CEP83: variants seen among roughly 807,000 people sequenced by gnomAD.
CEP83 encodes the protein centrosomal protein of 83 kDa.
A neutral mutation model predicts 101.9 loss-of-function variants in CEP83; 70 were observed. That is an observed-to-expected ratio of 0.69 (90% CI 0.57 to 0.84). CEP83 has a LOEUF of 0.84. Among genes scored for constraint, CEP83 ranks in the 40% least tolerant of loss-of-function variants. CEP83 has a pLI of 0.00. For synonymous variants in CEP83, 264 were observed against 267.9 expected (o/e 0.99, Z 0.14); for missense variants, 715 against 787.2 (o/e 0.91, Z 1.10).
At chr12:94,346,423 G>A (rs970393503) in intron 11 of CEP83, among the ~76,000 whole-genome samples, 2 of 150,432 alleles carry the variant, frequency 1.3e-5, no homozygotes, top group Admixed American at 6.6e-5. Context: ...ACTCCAGCCT[G>A]GGTGACAGAG....
the CEP83 span, chr12:94,279,675 T>A: frequency 2.5e-6 from 4 of 1,608,568 alleles, no homozygotes; most frequent in East Asian, 6.7e-5. Context: ...AGCTATGTGG[T>A]CCCAGGCCCT....
At chr12:94,425,207 C>T (rs2065104430) in intron 2 of CEP83, among the ~76,000 whole-genome samples, 1 of 152,110 alleles carries the variant, frequency 6.6e-6, no homozygotes, top group Non-Finnish European at 1.5e-5. Flanking sequence ...GCCATGGACC[C>T]TCAGCTCACA....
chr12:94,277,713 G>A, the CEP83 span: 5 of 344,648 alleles, frequency 1.5e-5, no homozygotes, highest in Non-Finnish European at 2.9e-5. Flanking sequence ...GTCCAATGTG[G>A]GCTGAATCTG....
intron 2 of CEP83, chr12:94,423,688 G>A: frequency 6.3e-7 from 1 of 1,590,078 alleles, no homozygotes; most frequent in Non-Finnish European, 8.6e-7. Context: ...TTGGGAGCAT[G>A]AGTATCTCCA....
At chr12:94,291,462 A>T in the CEP83 span, among the ~76,000 whole-genome samples, 2 of 152,128 alleles carry the variant, frequency 1.3e-5, no homozygotes, top group Non-Finnish European at 2.9e-5. Context: ...AACTCCTAGG[A>T]TCAAGCAATC....
At chr12:94,422,255 A>G (rs953756974) in intron 2 of CEP83, among the ~76,000 whole-genome samples, 2 of 152,214 alleles carry the variant, frequency 1.3e-5, no homozygotes, top group Non-Finnish European at 2.9e-5. Context: ...GCATGGACGC[A>G]TTAGATTATA....
At chr12:94,372,271 C>T (rs144511644) in intron 8 of CEP83, among the ~76,000 whole-genome samples, 3 of 152,268 alleles carry the variant, frequency 2.0e-5, no homozygotes, top group African/African-American at 7.2e-5. Flanking sequence ...CCACACCTGG[C>T]CTGTGGTTTT....
chr12:94,312,108 T>G (rs1969959547), intron 15 of CEP83, among the ~76,000 whole-genome samples: 1 of 152,204 alleles, frequency 6.6e-6, no homozygotes, highest in Admixed American at 6.5e-5. Flanking sequence ...AAATTCAAAA[T>G]TACAAGCATG....
intron 6 of CEP83, among the ~76,000 whole-genome samples, chr12:94,386,114 AC>A (rs2062130309): frequency 6.6e-6 from 1 of 152,188 alleles, no homozygotes; most frequent in Non-Finnish European, 1.5e-5. Flanking sequence ...TCATTAAGCT[AC>A]ACGTTACTGT....
In CEP83 at chr12:94,378,664, T is replaced by C. The variant is rs2061675609; in HGVS notation, c.801+127A>G. 21 of 996,330 alleles carry C rather than the reference T, an allele frequency of 2.1e-5. 1 individual carries two copies. In the South Asian group the frequency reaches 3.0e-4, roughly 14 times the overall value. The allele number at this position is 996,330 out of a possible 1,614,324, so 61.7% of individuals were successfully genotyped here. A position where few individuals can be genotyped will look rare whatever the true frequency, so the allele number is the denominator to read the frequency against. On this transcript the variant is annotated intron_variant, in intron 7 of 16. Coordinates refer to ENST00000397809, the MANE Select transcript of CEP83 (RefSeq NM_016122.3). ...TTCTTTACTAAAAGAATAAATACTC[T>C]TGGGATTACACAAATGCATCAGCAT...
At chr12:94,304,128 GAA>G (rs762262152), downstream of CEP83, 2 of 943,912 alleles carry the variant, frequency 2.1e-6, no homozygotes, top group Non-Finnish European at 3.2e-6. Context: ...GTCAGTTTCA[GAA>G]CAGCTCTGGC....
the CEP83 span, among the ~76,000 whole-genome samples, chr12:94,281,680 C>A: frequency 6.6e-6 from 1 of 152,176 alleles, no homozygotes; most frequent in South Asian, 2.1e-4. Context: ...CTCCGCCTCC[C>A]AAAGTATTGG....
At chr12:94,359,324 A>G (rs1282840041) in intron 11 of CEP83, among the ~76,000 whole-genome samples, 1 of 152,182 alleles carries the variant, frequency 6.6e-6, no homozygotes, top group African/African-American at 2.4e-5. Flanking sequence ...GAGACTAAAA[A>G]ACTATAAAAT....
chr12:94,437,826 CAAA>C lies in CEP83; in HGVS notation c.-154-2502_-154-2500del. On this transcript the variant is annotated intron_variant, in intron 1 of 16. Coordinates refer to ENST00000397809, the MANE Select transcript of CEP83 (RefSeq NM_016122.3). ...CTACAGAACAATAACACAATGCAAA[CAAA>C]AAAAGGTAATTAGGCAGCAACTAGT... Among the ~76,000 whole-genome samples, 2 of 151,834 alleles carry C rather than the reference CAAA, an allele frequency of 1.3e-5. 1 individual carries two copies. The highest frequency in any genetic ancestry group is 3.9e-4 in the East Asian group (2 of 5,176).
intron 11 of CEP83, among the ~76,000 whole-genome samples, chr12:94,366,195 C>T (rs2061019179): frequency 6.6e-6 from 1 of 150,944 alleles, no homozygotes; most frequent in South Asian, 2.1e-4. Context: ...ATTCCAAATG[C>T]CCAACATATT....
chr12:94,410,946 C>T (rs1381386009), intron 4 of CEP83, among the ~76,000 whole-genome samples: 1 of 152,116 alleles, frequency 6.6e-6, no homozygotes, highest in Non-Finnish European at 1.5e-5. Flanking sequence ...GACTAGGTGA[C>T]TTGAAAGATG....
At chr12:94,276,638 T>G in the CEP83 span, among the ~76,000 whole-genome samples, 1 of 152,188 alleles carries the variant, frequency 6.6e-6, no homozygotes, top group African/African-American at 2.4e-5. Context: ...GTTCCCTCAC[T>G]CTACAACAGG....
At chr12:94,374,632 G>A (rs996071675) in intron 8 of CEP83, among the ~76,000 whole-genome samples, 1 of 152,102 alleles carries the variant, frequency 6.6e-6, no homozygotes, top group African/African-American at 2.4e-5. Context: ...AGGCTGGAAG[G>A]GTTCTTACAG....
At chr12:94,277,987 C>T in the CEP83 span, 1 of 456,092 alleles carries the variant, frequency 2.2e-6, no homozygotes, top group Non-Finnish European at 4.4e-6. Flanking sequence ...ACATTGCCTC[C>T]TGCAGCCTCT....
Sources: allele counts gnomAD v4.1 joint callset (sites outside exome capture counted in the v4.1 genomes callset), GRCh38; gene constraint gnomAD v4.1.1; transcripts MANE v1.5; gene names NCBI Gene and HGNC (gene_info 2026-07-23, HGNC 2026-07-21).